The following ST8SIA5 variants were observed in gnomAD, a reference collection of about 807,000 sequenced individuals.
ST8SIA5 encodes ST8 alpha-N-acetyl-neuraminide alpha-2,8-sialyltransferase 5.
In ST8SIA5, 24 loss-of-function variants were observed where a neutral mutation model predicts 40.2. The ratio of observed to expected loss-of-function variants is 0.60; its 90% CI spans 0.43 to 0.84. The LOEUF (loss-of-function observed/expected upper bound fraction) is 0.84. ST8SIA5 is among the 40% of genes least tolerant of loss of function. ST8SIA5 has a pLI of 0.00. For synonymous variants in ST8SIA5, 198 were observed against 201.8 expected (o/e 0.98, Z 0.16); for missense variants, 465 against 498.5 (o/e 0.93, Z 0.64).
intron 1 of ST8SIA5, among the ~76,000 whole-genome samples, chr18:46,746,830 C>T (rs2040145257): frequency 1.3e-5 from 2 of 152,052 alleles, no homozygotes; most frequent in Admixed American, 1.3e-4. Context: ...TATTACAAGG[C>T]TACAGTAACC....
chr18:46,687,251 A>G (rs2039457530), intron 4 of ST8SIA5, among the ~76,000 whole-genome samples: 1 of 152,222 alleles, frequency 6.6e-6, no homozygotes, highest in Non-Finnish European at 1.5e-5. Context: ...ATCTAATAAG[A>G]TTGAAAGTGT....
At chr18:46,746,233 A>G (rs2040138967) in intron 1 of ST8SIA5, among the ~76,000 whole-genome samples, 1 of 152,204 alleles carries the variant, frequency 6.6e-6, no homozygotes, top group African/African-American at 2.4e-5. Flanking sequence ...CAGGCAAGAG[A>G]AAGAAATAAA....
intron 1 of ST8SIA5, among the ~76,000 whole-genome samples, chr18:46,725,457 C>T (rs1195032612): frequency 1.3e-5 from 2 of 152,148 alleles, no homozygotes; most frequent in South Asian, 2.1e-4. Context: ...CATGGCAGTC[C>T]CCTCCCAGGA....
At chr18:46,746,673 C>T (rs984868177) in intron 1 of ST8SIA5, among the ~76,000 whole-genome samples, 2 of 152,080 alleles carry the variant, frequency 1.3e-5, no homozygotes, top group African/African-American at 4.8e-5. Flanking sequence ...AATGCCATCC[C>T]CATCAAGCTA....
chr18:46,724,080 A>G (rs2039890483), intron 1 of ST8SIA5, among the ~76,000 whole-genome samples: 2 of 152,180 alleles, frequency 1.3e-5, no homozygotes, highest in African/African-American at 4.8e-5. Context: ...GAGTCTCTGC[A>G]CCTCTCAAGG....
rs1475478829 is a variant in ST8SIA5 at position 46,671,644 on chromosome 18, C to T, written c.*8398G>A. 6.6e-6 allele frequency: 1 copy of T among 152,238 alleles called. No individual in the cohort carries two copies. The highest frequency in any genetic ancestry group is 1.5e-5 in the Non-Finnish European group (1 of 68,048). 9.4% of individuals were successfully genotyped at this position (152,238 alleles called of 1,614,324 possible). A position where few individuals can be genotyped will look rare whatever the true frequency, so the allele number is the denominator to read the frequency against. ...CTTAGCTCAGATCACTAAATGCATC[C>T]TAATCTTAGGCACAGATAAATTCTT... On this transcript the variant is annotated 3_prime_UTR_variant, in exon 7 of 7. Transcript: ENST00000315087.
intron 1 of ST8SIA5, among the ~76,000 whole-genome samples, chr18:46,735,385 T>C (rs2040024171): frequency 6.6e-6 from 1 of 152,236 alleles, no homozygotes; most frequent in Admixed American, 6.5e-5. Flanking sequence ...CCCTGACTAA[T>C]ACAGTAACCA....
In ST8SIA5 at chr18:46,674,505, G is replaced by A. The variant is rs1370224148; in HGVS notation, c.*5537C>T. 1 of 152,148 alleles carries A rather than the reference G, an allele frequency of 6.6e-6. No individual in the cohort carries two copies. Among genetic ancestry groups the A allele is most frequent in the Admixed American group, 6.5e-5 (1 of 15,272 alleles). The allele number at this position is 152,148 out of a possible 1,614,324, so 9.4% of individuals were successfully genotyped here. ...AAGGTGTTACTCAGTTTATTAGCGG[G>A]GTATCCTGAACTGCTGGAGTCCCCC... is the stretch of plus-strand genomic sequence containing the variant. On this transcript the variant is annotated 3_prime_UTR_variant, in exon 7 of 7. Transcript: ENST00000315087.
chr18:46,706,018 T>C (rs1048739897), intron 1 of ST8SIA5, among the ~76,000 whole-genome samples: 43 of 152,168 alleles, frequency 2.8e-4, no homozygotes, highest in African/African-American at 9.4e-4. Context: ...AAAATATTGG[T>C]ATTTTTATTA....
chr18:46,754,643 G>A (rs1372259342), intron 1 of ST8SIA5, among the ~76,000 whole-genome samples: 2 of 152,240 alleles, frequency 1.3e-5, no homozygotes, highest in African/African-American at 4.8e-5. Flanking sequence ...AGGGAGGAAG[G>A]GAAGCACCTT....
At chr18:46,710,602 A>G (rs192697997) in intron 1 of ST8SIA5, among the ~76,000 whole-genome samples, 108 of 139,874 alleles carry the variant, frequency 7.7e-4, no homozygotes, top group African/African-American at 2.7e-3. Context: ...GTGCAGTGGC[A>G]TGATCTCGGC....
At position 46,680,465 on chromosome 18, in the gene ST8SIA5, C is replaced by T; in HGVS notation, c.708G>A (p.Leu236=). 1 of 1,606,004 alleles carries T rather than the reference C, an allele frequency of 6.2e-7. No individual in the cohort carries two copies. The highest frequency in any genetic ancestry group is 8.5e-7 in the Non-Finnish European group (1 of 1,175,766). The change falls in exon 7 of 7, where the codon CTG becomes CTA. Residue 236 remains leucine (L), a synonymous_variant. Coordinates refer to ENST00000315087, the MANE Select transcript of ST8SIA5 (RefSeq NM_013305.6). Reference sequence around the variant, plus strand: ...GCACCGACGCGTTCTCGTACACCTGCAGCACGCGATAGAACGGCCGCCGCC... The same window carrying T: ...GCACCGACGCGTTCTCGTACACCTGTAGCACGCGATAGAACGGCCGCCGCC... ...EKWRRPFYRV[L]QVYENASVLL...
chr18:46,721,173 G>A (rs1209862774), intron 1 of ST8SIA5, among the ~76,000 whole-genome samples: 1 of 152,158 alleles, frequency 6.6e-6, no homozygotes, highest in Non-Finnish European at 1.5e-5. Flanking sequence ...TGGGTCCTAT[G>A]CCTCACCCTT....
Position 46,679,576 on chromosome 18 carries a change from C to G in ST8SIA5, c.*466G>C, listed in dbSNP as rs2039365501. The G allele has an allele frequency of 5.8e-6, 1 of 173,142 alleles. No individual in the cohort carries two copies. The highest frequency in any genetic ancestry group is 2.4e-5 in the African/African-American group (1 of 41,988). 10.7% of individuals were successfully genotyped at this position (173,142 alleles called of 1,614,324 possible). ...AAGTCTTCGATATAAAACACAGGAA[C>G]CAAAAGTGTGAATAAAATCTTGACT... On this transcript the variant is annotated 3_prime_UTR_variant, in exon 7 of 7. Transcript: ENST00000315087.
At chr18:46,753,702 G>A (rs1006646755) in intron 1 of ST8SIA5, among the ~76,000 whole-genome samples, 1 of 152,152 alleles carries the variant, frequency 6.6e-6, no homozygotes, top group Admixed American at 6.5e-5. Flanking sequence ...GTTGCTGGGG[G>A]CAAACTATGC....
At chr18:46,711,519 C>G (rs2039732163) in intron 1 of ST8SIA5, among the ~76,000 whole-genome samples, 1 of 152,182 alleles carries the variant, frequency 6.6e-6, no homozygotes, top group East Asian at 1.9e-4. Context: ...CCATCGTTCT[C>G]TGGGGGGTTT....
At chr18:46,689,595 A>G (rs1241384482) in intron 3 of ST8SIA5, among the ~76,000 whole-genome samples, 4 of 144,448 alleles carry the variant, frequency 2.8e-5, no homozygotes, top group Non-Finnish European at 4.5e-5. Flanking sequence ...TTTTTTTGAG[A>G]CAGGGTCTCA....
At chr18:46,730,988 A>C (rs955830299) in intron 1 of ST8SIA5, among the ~76,000 whole-genome samples, 6 of 152,200 alleles carry the variant, frequency 3.9e-5, no homozygotes, top group African/African-American at 1.4e-4. Flanking sequence ...TGCGTCTAAA[A>C]AAGAAAAAAG....
At position 46,671,689 on chromosome 18, in the gene ST8SIA5, G is replaced by C. The variant is rs566188622; in HGVS notation, c.*8353C>G. On this transcript the variant is annotated 3_prime_UTR_variant, in exon 7 of 7. Coordinates refer to ENST00000315087, the MANE Select transcript of ST8SIA5 (RefSeq NM_013305.6). Reference sequence around the variant, plus strand: ...ATTCTTAATTCAGGCAGACTCTGAGGCTCCTAGCCCCGGGAGAAGAAATCT... The same window carrying C: ...ATTCTTAATTCAGGCAGACTCTGAGCCTCCTAGCCCCGGGAGAAGAAATCT... The C allele has an allele frequency of 6.6e-6, 1 of 152,298 alleles. No individual in the cohort carries two copies. The highest frequency in any genetic ancestry group is 1.9e-4 in the East Asian group (1 of 5,178). The allele number at this position is 152,298 out of a possible 1,614,324, so 9.4% of individuals were successfully genotyped here.
Sources: allele counts gnomAD v4.1 joint callset (sites outside exome capture counted in the v4.1 genomes callset), GRCh38; gene constraint gnomAD v4.1.1; transcripts MANE v1.5; gene names NCBI Gene and HGNC (gene_info 2026-07-23, HGNC 2026-07-21).